SMAD7: variants seen among roughly 807,000 people sequenced by gnomAD.
SMAD7 encodes SMAD family member 7.
In SMAD7, 8 loss-of-function variants were observed where a neutral mutation model predicts 38.7. That is an observed-to-expected ratio of 0.21 (90% CI 0.12 to 0.37). The LOEUF (loss-of-function observed/expected upper bound fraction) is 0.37, where lower values mean the gene tolerates loss of function less well. Among genes scored for constraint, SMAD7 ranks in the 10% least tolerant of loss-of-function variants. SMAD7 has a pLI of 1.00. For missense variants in SMAD7, 477 were observed against 577.9 expected (o/e 0.83, Z 1.79); for synonymous variants, 327 against 265.1 (o/e 1.23, Z -2.27).
At chr18:48,944,551 T>A (rs2070175888) in intron 2 of SMAD7, among the ~76,000 whole-genome samples, 1 of 152,222 alleles carries the variant, frequency 6.6e-6, no homozygotes, top group Non-Finnish European at 1.5e-5. Flanking sequence ...CCAGGTAAAC[T>A]GAGGCGTCAC....
chr18:48,936,048 C>T (rs561634082), intron 3 of SMAD7, among the ~76,000 whole-genome samples: 2 of 150,706 alleles, frequency 1.3e-5, no homozygotes, highest in African/African-American at 4.9e-5. Context: ...GCCCTCCAGC[C>T]AGGGTGACAG....
chr18:48,946,818 T>C (rs1394751394), intron 2 of SMAD7, among the ~76,000 whole-genome samples: 4 of 152,178 alleles, frequency 2.6e-5, no homozygotes, highest in Non-Finnish European at 5.9e-5. Flanking sequence ...TGAGAACAGA[T>C]TTATCCCAGT....
rs759611060 is a variant in SMAD7, at chr18:48,921,649, C to T, written c.1004G>A (p.Arg335His). The T allele has an allele frequency of 6.2e-7, 1 of 1,612,430 alleles. No homozygotes were observed. Among genetic ancestry groups the T allele is most frequent in the Admixed American group, 1.7e-5 (1 of 60,006 alleles). ...REVDGVWVYN[R>H]SSYPIFIKSA... ...CTTGATGAAGATGGGGTAACTGCTG[C>T]GGTTGTACACCCACACACCATCCAC... Residue 335 changes from arginine (R) to histidine (H), a missense_variant, in exon 4 of 4, where the codon CGC becomes CAC. Physicochemically the swap from Arg to His is conservative, Grantham distance 29. Transcript: ENST00000262158. The surrounding 1 kb of genome is among the most constrained non-coding windows in gnomAD (Gnocchi z 6.4).
intron 2 of SMAD7, 46 bp downstream of exon 2, chr18:48,948,338 T>C (rs1467635888): frequency 7.1e-7 from 1 of 1,406,832 alleles, no homozygotes; most frequent in South Asian, 1.3e-5. Flanking sequence ...AGAGGCTCTA[T>C]TTCTAACTTA....
Position 48,921,678 on chromosome 18 carries a change from C to T in SMAD7, c.975G>A (p.Arg325=). The T allele has an allele frequency of 1.2e-6, 2 of 1,613,008 alleles. No homozygotes were observed. Among genetic ancestry groups the T allele is most frequent in the Non-Finnish European group, 1.7e-6 (2 of 1,179,486 alleles). The part of the protein sequence containing the change: ...SKIGCGIQLT[R]EVDGVWVYNR... ...TGTACACCCACACACCATCCACCTCCCGCGTCAGCTGGATGCCGCAGCCGA... is the reference window on the plus strand; with the variant it reads ...TGTACACCCACACACCATCCACCTCTCGCGTCAGCTGGATGCCGCAGCCGA... The change falls in exon 4 of 4, where the codon CGG becomes CGA. Residue 325 remains arginine (R), a synonymous_variant. Coordinates refer to ENST00000262158, the MANE Select transcript of SMAD7 (RefSeq NM_005904.4). The surrounding 1 kb of genome is among the most constrained non-coding windows in gnomAD (Gnocchi z 6.4).
In SMAD7 at chr18:48,949,980, G is replaced by A. The variant is rs748033300; in HGVS notation, c.445C>T (p.Pro149Ser). ...GAPAGAQPAQ[P>S]PSSYSLPLLL... The stretch of plus-strand genomic sequence containing the variant: ...AGGGGGAGCGAGTAGGACGAGGGCG[G>A]CTGCGCAGGCTGCGCGCCGGCGGGC... The change falls in exon 1 of 4, where the codon CCG (proline) becomes TCG (serine). Residue 149 changes from proline to serine, a missense_variant. Transcript: ENST00000262158. 4 of 1,591,774 alleles carry A rather than the reference G, an allele frequency of 2.5e-6. No individual in the cohort carries two copies. Among genetic ancestry groups the A allele is most frequent in the Non-Finnish European group, 2.6e-6 (3 of 1,170,030 alleles).
rs138946237 is a variant in SMAD7, at chr18:48,948,291, C to T, written c.667+93G>A. ...AGAACCAACGTGAAGCCCAGCACCT[C>T]CCCAAGCCTTTGCCTACACACAAAA... On this transcript the variant is annotated intron_variant, in intron 2 of 3. Coordinates refer to ENST00000262158, the MANE Select transcript of SMAD7 (RefSeq NM_005904.4). 251 of 806,910 alleles carry T rather than the reference C, an allele frequency of 3.1e-4. 6 individuals carry two copies. In the East Asian group the frequency reaches 6.6e-3, roughly 21 times the overall value. 50.0% of individuals were successfully genotyped at this position (806,910 alleles called of 1,614,324 possible). A position where few individuals can be genotyped will look rare whatever the true frequency, so the allele number is the denominator to read the frequency against.
At chr18:48,929,569 T>TCACACACACA (rs1555716118) in intron 3 of SMAD7, among the ~76,000 whole-genome samples, 36 of 114,622 alleles carry the variant, frequency 3.1e-4, no homozygotes, top group African/African-American at 4.5e-4. Context: ...TCTCTCTCTC[T>TCACACACACA]CACTCACACA....
chr18:48,949,890 A>T lies in SMAD7; in HGVS notation c.535T>A (p.Cys179Ser). ...RHSSEVKRLCCCESYGKINPE... is the reference protein window; with the variant it reads ...RHSSEVKRLCSCESYGKINPE... ...TTGATCTTCCCGTAAGATTCACAGC[A>T]ACACAGCCTCTTGACTTCCGAGGAA... The change falls in exon 1 of 4, where the codon TGC becomes AGC. Residue 179 changes from cysteine (C) to serine (S), a missense_variant. Physicochemically the swap from Cys to Ser is moderately radical, Grantham distance 112 (BLOSUM62 -1). Transcript: ENST00000262158. The T allele has an allele frequency of 6.2e-7, 1 of 1,613,762 alleles. No individual in the cohort carries two copies.
intron 2 of SMAD7, among the ~76,000 whole-genome samples, chr18:48,944,779 C>T (rs1004159400): frequency 1.1e-4 from 16 of 152,236 alleles, no homozygotes; most frequent in African/African-American, 3.6e-4. Flanking sequence ...AGGGTCTCAC[C>T]TTAGGCCTGT....
chr18:48,931,571 C>T (rs2070001137), intron 3 of SMAD7, among the ~76,000 whole-genome samples: 1 of 152,224 alleles, frequency 6.6e-6, no homozygotes, highest in Admixed American at 6.5e-5. Context: ...AGAACTACAA[C>T]CTTTTTATTT....
chr18:48,929,894 T>A (rs1012571695), intron 3 of SMAD7, among the ~76,000 whole-genome samples: 1 of 151,902 alleles, frequency 6.6e-6, no homozygotes, highest in Non-Finnish European at 1.5e-5. Context: ...AGGAAAACTG[T>A]CCGAAGACAT....
intron 3 of SMAD7, among the ~76,000 whole-genome samples, chr18:48,936,722 A>G (rs4939831): frequency 1 from 152,282 of 152,288 alleles, 76,138 homozygotes; most frequent in Middle Eastern, 1. Flanking sequence ...GGACCGAAGG[A>G]AGTAAAGACC....
intron 2 of SMAD7, among the ~76,000 whole-genome samples, chr18:48,948,139 G>A (rs2070217135): frequency 6.6e-6 from 1 of 151,958 alleles, no homozygotes; most frequent in African/African-American, 2.4e-5. Flanking sequence ...TGAGCCCACC[G>A]GCTACACAGC....
Position 48,942,510 on chromosome 18 carries a change from G to T in SMAD7, c.713C>A (p.Thr238Lys), listed in dbSNP as rs773511006. The change falls in exon 3 of 4, where the codon ACG (threonine) becomes AAG (lysine). Residue 238 changes from threonine (T) to lysine (K), a missense_variant. This residue lies in a region of SMAD7 where 376 missense variants were observed against 379.4 expected (regional missense o/e 0.99). Transcript: ENST00000262158. Reference protein sequence around the residue: ...AVPSSAETGGTNYLAPGGLSD... With the variant: ...AVPSSAETGGKNYLAPGGLSD... ...AAGCCCCCCAGGGGCCAGATAATTC[G>T]TTCCCCCTGTTTCAGCGGAGGAAGG... The T allele has an allele frequency of 1.2e-6, 2 of 1,603,016 alleles. No homozygotes were observed. The highest frequency in any genetic ancestry group is 8.5e-7 in the Non-Finnish European group (1 of 1,176,026).
chr18:48,929,131 T>C (rs2069962766), intron 3 of SMAD7, among the ~76,000 whole-genome samples: 1 of 152,186 alleles, frequency 6.6e-6, no homozygotes, highest in African/African-American at 2.4e-5. Context: ...TTAGTGTGCA[T>C]GCAGTCGAAT....
intron 3 of SMAD7, among the ~76,000 whole-genome samples, 181 bp from the exon 4 acceptor site, chr18:48,922,091 C>A (rs927242349): frequency 2.0e-5 from 3 of 152,168 alleles, no homozygotes; most frequent in Non-Finnish European, 2.9e-5. Flanking sequence ...TGACCAGGAC[C>A]CTGCCTTTCT....
At chr18:48,944,363 G>A (rs1568305271) in intron 2 of SMAD7, among the ~76,000 whole-genome samples, 2 of 152,326 alleles carry the variant, frequency 1.3e-5, no homozygotes, top group South Asian at 4.1e-4. Context: ...CACATTCAGG[G>A]TGTCAGCCCA....
intron 3 of SMAD7, among the ~76,000 whole-genome samples, chr18:48,922,807 C>T (rs1599218504): frequency 6.6e-6 from 1 of 152,136 alleles, no homozygotes; most frequent in East Asian, 1.9e-4. Flanking sequence ...CATCTGGAGC[C>T]TGCAGGGCGC....
Sources: gnomAD v4.1 joint callset for allele counts (sites outside exome capture counted in the v4.1 genomes callset) on GRCh38, gnomAD v4.1.1 for gene constraint, gnomAD v4.1.1 regional missense constraint, Gnocchi (gnomAD v3.1) non-coding constraint, MANE v1.5 for transcripts, NCBI Gene and HGNC (gene_info 2026-07-23, HGNC 2026-07-21) for gene names.